SLC35F3: variants seen among roughly 807,000 people sequenced by gnomAD.
The protein encoded by SLC35F3 is solute carrier family 35 member F3, also known as putative thiamine transporter SLC35F3.
SLC35F3 carries 25 observed loss-of-function variants against 49.9 expected under a neutral mutation model. The ratio of observed to expected loss-of-function variants is 0.50; its 90% CI spans 0.37 to 0.70. The LOEUF (loss-of-function observed/expected upper bound fraction) is 0.70. Among genes scored for constraint, SLC35F3 ranks in the 30% least tolerant of loss-of-function variants. The pLI, the probability that SLC35F3 is intolerant of heterozygous loss-of-function variation, is 0.00. For synonymous variants in SLC35F3, 275 were observed against 265.4 expected (o/e 1.04, Z -0.35); for missense variants, 525 against 639.8 (o/e 0.82, Z 1.94).
In SLC35F3 at chr1:234,323,223, C is replaced by G. The variant is rs775397698; in HGVS notation, c.1453C>G (p.Arg485Gly). The stretch of plus-strand genomic sequence containing the variant: ...ACCTCAGAGCAAGAACAGAAGAGCC[C>G]GCCCTTCCTTCGCCCGCTAACACCA... ...SGPQSKNRRA[R>G]PSFAR Residue 485 changes from arginine to glycine, a missense_variant, in exon 8 of 8, where the codon CGC (arginine) becomes GGC (glycine). Transcript: ENST00000366618. The surrounding 1 kb of genome is among the most constrained non-coding windows in gnomAD (Gnocchi z 4.5). The G allele has an allele frequency of 1.2e-6, 2 of 1,613,730 alleles. No individual in the cohort carries two copies. The highest frequency in any genetic ancestry group is 2.2e-5 in the East Asian group (1 of 44,870).
Position 233,934,396 on chromosome 1 carries a change from A to G in SLC35F3, c.283+28638A>G, listed in dbSNP as rs182281204. Among the ~76,000 whole-genome samples the G allele has an allele frequency of 7.9e-5, 12 of 152,296 alleles. No individual in the cohort carries two copies. In the South Asian group the frequency reaches 1.9e-3, roughly 24 times the overall value. Reference sequence around the variant, plus strand: ...TATGAATTCCTTATTCTTAAAATCAACCTTCACGAATACACCCATGTAAAG... The same window carrying G: ...TATGAATTCCTTATTCTTAAAATCAGCCTTCACGAATACACCCATGTAAAG... On this transcript the variant is annotated intron_variant, in intron 2 of 7. Transcript: ENST00000366618.
intron 2 of SLC35F3, among the ~76,000 whole-genome samples, chr1:234,014,911 C>G (rs1663779025): frequency 6.6e-6 from 1 of 152,186 alleles, no homozygotes; most frequent in South Asian, 2.1e-4. Context: ...CCAAAGCAAT[C>G]TACAGATTCA....
intron 2 of SLC35F3, among the ~76,000 whole-genome samples, chr1:234,065,422 C>T (rs1664603259): frequency 6.6e-6 from 1 of 152,190 alleles, no homozygotes; most frequent in South Asian, 2.1e-4. Context: ...GCTGGTATTA[C>T]AGGCGTGAGC....
chr1:234,252,255 A>G (rs773545691), intron 3 of SLC35F3, among the ~76,000 whole-genome samples: 57 of 152,110 alleles, frequency 3.7e-4, no homozygotes, highest in Non-Finnish European at 5.4e-4. Context: ...TTTTTAGTAG[A>G]GACGGTGTTT....
chr1:234,300,402 G>A (rs1668674931), intron 3 of SLC35F3, among the ~76,000 whole-genome samples: 1 of 152,128 alleles, frequency 6.6e-6, no homozygotes, highest in Admixed American at 6.5e-5. Flanking sequence ...AAGACAAATG[G>A]CCCCATGCTT....
chr1:234,306,275 C>T (rs1329767332), intron 3 of SLC35F3, among the ~76,000 whole-genome samples: 1 of 152,128 alleles, frequency 6.6e-6, no homozygotes, highest in African/African-American at 2.4e-5. Context: ...ATTCTCCTGC[C>T]TCAGGCTCCC....
intron 2 of SLC35F3, among the ~76,000 whole-genome samples, chr1:234,205,024 G>A (rs1666949965): frequency 6.6e-6 from 1 of 152,242 alleles, no homozygotes; most frequent in Admixed American, 6.5e-5. Flanking sequence ...GACTCTAAAT[G>A]CCTAGTGTAA....
chr1:234,060,733 T>C (rs1664527705), intron 2 of SLC35F3, among the ~76,000 whole-genome samples: 1 of 152,220 alleles, frequency 6.6e-6, no homozygotes, highest in Non-Finnish European at 1.5e-5. Flanking sequence ...ATTACAGGCA[T>C]GAGCTACTGT....
At chr1:234,278,065 C>A (rs193003073) in intron 3 of SLC35F3, among the ~76,000 whole-genome samples, 6 of 151,960 alleles carry the variant, frequency 3.9e-5, no homozygotes, top group Non-Finnish European at 1.5e-5. Flanking sequence ...TAGAGGCATG[C>A]GCCTGTGGTC....
In SLC35F3 at chr1:234,243,174, G is replaced by A. The variant is rs573399607; in HGVS notation, c.608+11433G>A. ...TCAAGACCAGCCTGTCCAACATGGTGAAACCCTGTCTCTACTAACAATACA... is the reference window on the plus strand; with the variant it reads ...TCAAGACCAGCCTGTCCAACATGGTAAAACCCTGTCTCTACTAACAATACA... On this transcript the variant is annotated intron_variant, in intron 3 of 7. Coordinates refer to ENST00000366618, the MANE Select transcript of SLC35F3 (RefSeq NM_173508.4). 1.7e-3 allele frequency among the ~76,000 whole-genome samples: 256 copies of A among 152,256 alleles called. 1 individual carries two copies. Among genetic ancestry groups the A allele is most frequent in the Middle Eastern group, 3.4e-3 (1 of 294 alleles).
intron 2 of SLC35F3, among the ~76,000 whole-genome samples, chr1:234,059,619 GACATA>G (rs1664509226): frequency 1.3e-4 from 1 of 7,422 alleles, no homozygotes; most frequent in Non-Finnish European, 9.9e-4. Context: ...ACATAGACTA[GACATA>G]GACATAGACA....
intron 2 of SLC35F3, among the ~76,000 whole-genome samples, chr1:234,033,524 G>T (rs1189509210): frequency 3.3e-5 from 5 of 152,176 alleles, no homozygotes; most frequent in African/African-American, 1.2e-4. Context: ...TCTCGAGTTG[G>T]CTTTTGCATA....
chr1:234,077,599 G>A (rs926555881), intron 2 of SLC35F3, among the ~76,000 whole-genome samples: 2 of 152,210 alleles, frequency 1.3e-5, no homozygotes, highest in Non-Finnish European at 2.9e-5. Context: ...TTTGGGTGGG[G>A]ACATAAAGCC....
chr1:234,145,080 G>T (rs928280950), intron 2 of SLC35F3, among the ~76,000 whole-genome samples: 4 of 152,178 alleles, frequency 2.6e-5, no homozygotes, highest in African/African-American at 9.7e-5. Context: ...AACAGCGCAA[G>T]GCTCAGGACT....
chr1:234,057,056 C>G (rs1664468381), intron 2 of SLC35F3, among the ~76,000 whole-genome samples: 1 of 152,134 alleles, frequency 6.6e-6, no homozygotes, highest in South Asian at 2.1e-4. Flanking sequence ...GTATTGATTG[C>G]TATTTTTTTC....
intron 2 of SLC35F3, among the ~76,000 whole-genome samples, chr1:233,951,278 G>A (rs1396325751): frequency 6.6e-6 from 1 of 151,906 alleles, no homozygotes; most frequent in Non-Finnish European, 1.5e-5. Flanking sequence ...AACTGTTGTA[G>A]CATGATTAGT....
At chr1:234,229,734 C>G (rs904323708) in intron 2 of SLC35F3, among the ~76,000 whole-genome samples, 8 of 152,188 alleles carry the variant, frequency 5.3e-5, no homozygotes, top group Non-Finnish European at 1.2e-4. Flanking sequence ...CTCCAACACT[C>G]CTTGCAAATT....
chr1:234,216,541 G>T (rs1042325513), intron 2 of SLC35F3, among the ~76,000 whole-genome samples: 7 of 152,136 alleles, frequency 4.6e-5, no homozygotes, highest in African/African-American at 1.7e-4. Context: ...AGTCCCTTAG[G>T]GCTGCTGCCA....
chr1:233,940,269 G>A (rs909491342), intron 2 of SLC35F3, among the ~76,000 whole-genome samples: 1 of 151,934 alleles, frequency 6.6e-6, no homozygotes, highest in African/African-American at 2.4e-5. Context: ...AGGAAAAAAA[G>A]CAGCATATGA....
Sources: gnomAD v4.1 joint callset for allele counts (sites outside exome capture counted in the v4.1 genomes callset) on GRCh38, gnomAD v4.1.1 for gene constraint, Gnocchi (gnomAD v3.1) non-coding constraint, MANE v1.5 for transcripts, NCBI Gene and HGNC (gene_info 2026-07-23, HGNC 2026-07-21) for gene names.